EFTUD2: variants seen among roughly 807,000 people sequenced by gnomAD.
EFTUD2 encodes elongation factor Tu GTP binding domain containing 2.
A neutral mutation model predicts 114.3 loss-of-function variants in EFTUD2; 9 were observed. The observed-to-expected ratio is 0.08, with a 90% CI of 0.05 to 0.14. The LOEUF (loss-of-function observed/expected upper bound fraction) is 0.14. Ranked by LOEUF, EFTUD2 falls within the 10% of genes least tolerant of loss-of-function variation. The pLI is 1.00. For synonymous variants in EFTUD2, 449 were observed against 462.3 expected (o/e 0.97, Z 0.37); for missense variants, 765 against 1,241.2 (o/e 0.62, Z 5.76).
chr17:44,889,612 A>AC (rs1184185289), intron 2 of EFTUD2, among the ~76,000 whole-genome samples: 1 of 152,214 alleles, frequency 6.6e-6, no homozygotes, highest in Non-Finnish European at 1.5e-5. Flanking sequence ...GTATATGAGT[A>AC]CAGATGTAGG....
intron 2 of EFTUD2, 148 bp downstream of exon 2, chr17:44,894,269 C>A (rs2051336439): frequency 3.1e-6 from 2 of 638,420 alleles, no homozygotes; most frequent in South Asian, 1.8e-5. Flanking sequence ...ACTTGGGAGG[C>A]CAAGGTGGGA....
chr17:44,891,429 T>A (rs1567755380), intron 2 of EFTUD2, among the ~76,000 whole-genome samples: 1 of 152,148 alleles, frequency 6.6e-6, no homozygotes, highest in African/African-American at 2.4e-5. Flanking sequence ...AGCTCACCAC[T>A]ACCTCAAATT....
intron 9 of EFTUD2, among the ~76,000 whole-genome samples, 198 bp from the exon 10 acceptor site, chr17:44,876,298 G>C (rs1475649547): frequency 6.6e-6 from 1 of 152,198 alleles, no homozygotes; most frequent in Admixed American, 6.5e-5. Flanking sequence ...TTGCAGGATT[G>C]AGAAATGAAT....
intron 11 of EFTUD2, 77 bp from the exon 12 acceptor site, chr17:44,868,427 T>C: frequency 7.0e-7 from 1 of 1,437,788 alleles, no homozygotes; most frequent in East Asian, 2.3e-5. Flanking sequence ...CCACAGGTGG[T>C]TCATAGCTGA....
chr17:44,852,711 A>T, intron 25 of EFTUD2, 149 bp from the exon 26 acceptor site: 1 of 1,040,634 alleles, frequency 9.6e-7, no homozygotes, highest in Non-Finnish European at 1.4e-6. Flanking sequence ...AAAAGCAGAA[A>T]AGGCTCAGGG....
chr17:44,892,631 CT>C (rs967860195), intron 2 of EFTUD2, among the ~76,000 whole-genome samples: 1,191 of 101,416 alleles, frequency 0.012, 6 homozygotes, highest in African/African-American at 0.039. Flanking sequence ...ACTGTAAAAC[CT>C]TTTTTTTTTT....
chr17:44,866,957 G>A (rs964418750), intron 13 of EFTUD2, among the ~76,000 whole-genome samples: 11 of 152,042 alleles, frequency 7.2e-5, no homozygotes, highest in African/African-American at 2.7e-4. Context: ...TTTTTTAAAA[G>A]TTAGCCAGGC....
In EFTUD2 at chr17:44,876,238, G is replaced by A. The variant is rs905373359; in HGVS notation, c.703-138C>T. ...CCTCGGGAAATATTACTGGGTGGAA[G>A]CAGAGAGCATCCTGCCCGAAGATAG... On this transcript the variant is annotated intron_variant, in intron 9 of 27. Transcript: ENST00000426333. 25 of 1,014,010 alleles carry A rather than the reference G, an allele frequency of 2.5e-5. No individual in the cohort carries two copies. In the Admixed American group the frequency reaches 6.9e-4, roughly 28 times the overall value. The allele number at this position is 1,014,010 out of a possible 1,614,324, so 62.8% of individuals were successfully genotyped here.
intron 11 of EFTUD2, 47 bp downstream of exon 11, chr17:44,872,399 C>T (rs778713368): frequency 1.9e-5 from 31 of 1,604,664 alleles, no homozygotes; most frequent in East Asian, 2.3e-5. Context: ...GAAAGGCACA[C>T]AGGACTCAGG....
chr17:44,881,323 G>A (rs1390774010), intron 7 of EFTUD2, among the ~76,000 whole-genome samples: 3 of 152,210 alleles, frequency 2.0e-5, no homozygotes, highest in Non-Finnish European at 2.9e-5. Flanking sequence ...TCATCATATG[G>A]ATGGACTCAT....
intron 2 of EFTUD2, among the ~76,000 whole-genome samples, chr17:44,891,229 T>C (rs2051272982): frequency 6.6e-6 from 1 of 152,150 alleles, no homozygotes; most frequent in Admixed American, 6.5e-5. Context: ...TACAAAGAAC[T>C]GTGGTGGCAG....
chr17:44,863,431 G>A (rs984260943), intron 15 of EFTUD2: 9 of 465,012 alleles, frequency 1.9e-5, no homozygotes, highest in African/African-American at 1.4e-4. Context: ...TATTATGCTC[G>A]TGTTATAGAC....
chr17:44,888,358 A>G (rs1469995315), intron 2 of EFTUD2, among the ~76,000 whole-genome samples: 1 of 152,148 alleles, frequency 6.6e-6, no homozygotes, highest in East Asian at 1.9e-4. Flanking sequence ...TACAACACAC[A>G]GAGTCCTCAC....
In EFTUD2 at chr17:44,850,374, C is replaced by T. The variant is rs778690173; in HGVS notation, c.*900G>A. On this transcript the variant is annotated 3_prime_UTR_variant, in exon 28 of 28. Coordinates refer to ENST00000426333, the MANE Select transcript of EFTUD2 (RefSeq NM_004247.4). ...TACAGCGATTACGTCAAGAGGATGG[C>T]ACAGGATGCTGGAGAGAAGTAGGAC... The T allele has an allele frequency of 1.2e-6, 2 of 1,613,216 alleles. No homozygotes were observed. Among genetic ancestry groups the T allele is most frequent in the Non-Finnish European group, 1.7e-6 (2 of 1,179,446 alleles).
intron 2 of EFTUD2, among the ~76,000 whole-genome samples, chr17:44,888,868 AGGT>A (rs1413489989): frequency 6.6e-6 from 1 of 152,222 alleles, no homozygotes; most frequent in Non-Finnish European, 1.5e-5. Flanking sequence ...CCATGTAGGA[AGGT>A]GGACATACAA....
At chr17:44,867,160 A>T (rs1425563613) in intron 13 of EFTUD2, among the ~76,000 whole-genome samples, 1 of 152,208 alleles carries the variant, frequency 6.6e-6, no homozygotes, top group Non-Finnish European at 1.5e-5. Flanking sequence ...GAGGACTTTC[A>T]CAATTATATC....
At chr17:44,879,397 T>A (rs2051029738) in intron 9 of EFTUD2, 159 bp downstream of exon 9, 4 of 698,446 alleles carry the variant, frequency 5.7e-6, no homozygotes, top group Admixed American at 2.6e-5. Context: ...GAATTAATTT[T>A]GAAACATTTG....
chr17:44,891,576 C>G (rs972526629), intron 2 of EFTUD2, among the ~76,000 whole-genome samples: 1 of 152,158 alleles, frequency 6.6e-6, no homozygotes, highest in African/African-American at 2.4e-5. Flanking sequence ...TCTCAAACTC[C>G]TCGGTTCAAG....
intron 9 of EFTUD2, among the ~76,000 whole-genome samples, chr17:44,878,304 T>C (rs1465120371): frequency 1.3e-5 from 2 of 152,174 alleles, no homozygotes; most frequent in Non-Finnish European, 2.9e-5. Flanking sequence ...CGAGGAAGTA[T>C]TAGACAAACC....
Sources: gnomAD v4.1 joint callset for allele counts (sites outside exome capture counted in the v4.1 genomes callset) on GRCh38, gnomAD v4.1.1 for gene constraint, MANE v1.5 for transcripts, NCBI Gene and HGNC (gene_info 2026-07-23, HGNC 2026-07-21) for gene names.